The following DLG5 variants were observed in gnomAD, a reference collection of about 807,000 sequenced individuals.
The protein encoded by DLG5 is disks large homolog 5.
DLG5 carries 48 observed loss-of-function variants against 189.8 expected under a neutral mutation model. That is an observed-to-expected ratio of 0.25 (90% CI 0.20 to 0.32). The LOEUF is 0.32. Among genes scored for constraint, DLG5 ranks in the 10% least tolerant of loss-of-function variants. DLG5 has a pLI of 1.00. For missense variants in DLG5, 2,160 were observed against 2,544.7 expected, an observed-to-expected ratio of 0.85 and a Z score of 3.25; for synonymous variants, 1,016 against 1,054.1, an observed-to-expected ratio of 0.96 and a Z score of 0.70.
Position 77,854,358 on chromosome 10 carries a change from C to G in DLG5, c.549G>C (p.Arg183Ser). The G allele has an allele frequency of 1.2e-6, 2 of 1,614,032 alleles. No homozygotes were observed. The highest frequency in any genetic ancestry group is 1.7e-6 in the Non-Finnish European group (2 of 1,180,018). ...TCAGCCTCTCATAGTCAGGATTCAG[C>G]CTGTGGTAGGGCCTGGCCCAGAGAG... ...GTAFDKRPYH[R>S]LNPDYERLKI... The change falls in exon 4 of 32, where the codon AGG (arginine) becomes AGC (serine). Residue 183 changes from arginine (R) to serine (S), a missense_variant. Coordinates refer to ENST00000372391, the MANE Select transcript of DLG5 (RefSeq NM_004747.4).
Position 77,836,051 on chromosome 10 carries a change from G to A in DLG5, c.1438-129C>T, listed in dbSNP as rs555102230. On this transcript the variant is annotated intron_variant, in intron 7 of 31. Transcript: ENST00000372391. ...GATGGAGGGAAACACGGAGCCCATCGCAGCACACCCCATACCCCCAGTGAC... is the reference window on the plus strand; with the variant it reads ...GATGGAGGGAAACACGGAGCCCATCACAGCACACCCCATACCCCCAGTGAC... 9.1e-5 allele frequency: 85 copies of A among 937,688 alleles called. No homozygotes were observed. In the Admixed American group the frequency reaches 2.0e-3, roughly 22 times the overall value. The allele number at this position is 937,688 out of a possible 1,614,324, so 58.1% of individuals were successfully genotyped here. A position where few individuals can be genotyped will look rare whatever the true frequency, so the allele number is the denominator to read the frequency against.
chr10:77,906,617 CTTTTTTTTT>C (rs35116526), intron 1 of DLG5, among the ~76,000 whole-genome samples: 1 of 102,180 alleles, frequency 9.8e-6, no homozygotes, highest in Non-Finnish European at 1.9e-5. Context: ...CTGCGCTCCA[CTTTTTTTTT>C]TTTTTTTTTT....
chr10:77,824,279 C>G (rs748156238), intron 14 of DLG5, 105 bp downstream of exon 14: 40 of 835,756 alleles, frequency 4.8e-5, no homozygotes, highest in Non-Finnish European at 7.2e-5. Context: ...AAATGCCCAC[C>G]CTGTTCTCAA....
At chr10:77,825,374 CCACA>C (rs59102694) in intron 13 of DLG5, among the ~76,000 whole-genome samples, 11,540 of 130,738 alleles carry the variant, frequency 0.088, 611 homozygotes, top group East Asian at 0.26. Context: ...CCACACACAA[CCACA>C]CACACACACA....
chr10:77,824,240 T>C, intron 14 of DLG5, 144 bp downstream of exon 14: 1 of 609,048 alleles, frequency 1.6e-6, no homozygotes, highest in Admixed American at 3.0e-5. Context: ...CAGCGTCCAG[T>C]CAGGGTTCCT....
chr10:77,821,962 G>T lies in DLG5; in HGVS notation c.2522C>A (p.Ser841Tyr). ...NKRNLIQHNNSTQTDIFYTDR... is the reference protein window; with the variant it reads ...NKRNLIQHNNYTQTDIFYTDR... Reference sequence around the variant, plus strand: ...CGTGTAGAAGATGTCTGTCTGCGTGGAGTTATTGTGCTGTATCAAGTTCCG... The same window carrying T: ...CGTGTAGAAGATGTCTGTCTGCGTGTAGTTATTGTGCTGTATCAAGTTCCG... Residue 841 changes from serine (S) to tyrosine (Y), a missense_variant, in exon 15 of 32, where the codon TCC (serine) becomes TAC (tyrosine). Transcript: ENST00000372391. The T allele has an allele frequency of 1.9e-6, 3 of 1,614,244 alleles. No individual in the cohort carries two copies. Among genetic ancestry groups the T allele is most frequent in the Non-Finnish European group, 2.5e-6 (3 of 1,180,054 alleles).
intron 5 of DLG5, among the ~76,000 whole-genome samples, chr10:77,851,489 C>T (rs913591194): frequency 1.3e-5 from 2 of 152,188 alleles, no homozygotes; most frequent in Non-Finnish European, 2.9e-5. Context: ...TGCCATGCAG[C>T]AGGTGCGAGA....
the DLG5 span, among the ~76,000 whole-genome samples, chr10:77,936,441 CAAAACAAAAAAAAAA>C: frequency 2.5e-4 from 22 of 87,874 alleles, no homozygotes; most frequent in African/African-American, 9.4e-4. Flanking sequence ...CGTCTCAAAA[CAAAACAAAAAAAAAA>C]AAAAAAAAAA....
At chr10:77,869,099 C>T (rs890271990) in intron 2 of DLG5, 30 bp downstream of exon 2, 1 of 1,606,762 alleles carries the variant, frequency 6.2e-7, no homozygotes, top group Non-Finnish European at 8.5e-7. Context: ...CCTGGCCCAC[C>T]CGGTGTCCTC....
intron 26 of DLG5, chr10:77,806,193 G>A: frequency 6.1e-6 from 2 of 327,070 alleles, no homozygotes; most frequent in Non-Finnish European, 1.1e-5. Context: ...GGGAAATGAT[G>A]CAGGGATGCA....
At chr10:77,880,325 A>G (rs974168369) in intron 1 of DLG5, among the ~76,000 whole-genome samples, 5 of 152,152 alleles carry the variant, frequency 3.3e-5, no homozygotes, top group Admixed American at 6.5e-5. Flanking sequence ...ATGGTGGCGC[A>G]TGCCTGTAAT....
At chr10:77,875,078 AAGAAACTAAGAGTT>A (rs1175762862) in intron 1 of DLG5, among the ~76,000 whole-genome samples, 9 of 152,238 alleles carry the variant, frequency 5.9e-5, no homozygotes, top group African/African-American at 1.9e-4. Flanking sequence ...TTCACAGAGG[AAGAAACTAAGAGTT>A]AGAAAAATTA....
At chr10:77,872,518 G>A (rs1844940060) in intron 1 of DLG5, among the ~76,000 whole-genome samples, 1 of 152,196 alleles carries the variant, frequency 6.6e-6, no homozygotes, top group South Asian at 2.1e-4. Context: ...GGGCTCCTAG[G>A]AGCTGGTGGG....
intron 1 of DLG5, among the ~76,000 whole-genome samples, chr10:77,920,550 A>T (rs1021132818): frequency 1.3e-5 from 2 of 152,204 alleles, no homozygotes; most frequent in Non-Finnish European, 2.9e-5. Flanking sequence ...TGCCAATCAC[A>T]GTAGCCCATC....
intron 5 of DLG5, among the ~76,000 whole-genome samples, chr10:77,844,420 T>G (rs993815226): frequency 6.6e-6 from 1 of 152,232 alleles, no homozygotes; most frequent in Non-Finnish European, 1.5e-5. Flanking sequence ...ATGTCAGCCA[T>G]TGAGTATAAT....
chr10:77,818,912 A>T (rs1017294763), intron 17 of DLG5, among the ~76,000 whole-genome samples: 2 of 152,228 alleles, frequency 1.3e-5, no homozygotes, highest in Non-Finnish European at 2.9e-5. Flanking sequence ...GTGCTCAAAA[A>T]ATATCTGTCA....
chr10:77,793,547 T>C (rs1382899731), intron 31 of DLG5: 1 of 140,148 alleles, frequency 7.1e-6, no homozygotes, highest in African/African-American at 2.9e-5. Flanking sequence ...TTTTTTGTTT[T>C]GTTTTTTGTT....
Position 77,828,963 on chromosome 10 carries a change from A to G in DLG5, c.2208T>C (p.Asn736=). 2 of 1,614,072 alleles carry G rather than the reference A, an allele frequency of 1.2e-6. No individual in the cohort carries two copies. Among genetic ancestry groups the G allele is most frequent in the African/African-American group, 2.7e-5 (2 of 75,038 alleles). ...GCAGCACAGCGGCAGCATACACTCC[A>G]TTCTCCAGACTGATGCCACTGTCTG... ...GQKDSGISLE[N]GVYAAAVLPG... is the part of the protein sequence containing the mutation. Residue 736 remains asparagine (N), a synonymous_variant, in exon 13 of 32, where the codon AAT becomes AAC. Coordinates refer to ENST00000372391, the MANE Select transcript of DLG5 (RefSeq NM_004747.4).
rs928175382 is a variant in DLG5, at chr10:77,796,667, G to A, written c.5165-73C>T. 32 of 1,578,700 alleles carry A rather than the reference G, an allele frequency of 2.0e-5. No homozygotes were observed. Among genetic ancestry groups the A allele is most frequent in the African/African-American group, 1.6e-4 (12 of 74,000 alleles). ...GACCTGAGTGGGGCTGGGGAACCCC[G>A]CTCCCTGACCTCGCCCACTCTGGTT... On this transcript the variant is annotated intron_variant, in intron 27 of 31. Coordinates refer to ENST00000372391, the MANE Select transcript of DLG5 (RefSeq NM_004747.4). The surrounding 1 kb of genome is among the most constrained non-coding windows in gnomAD (Gnocchi z 5.2).
Sources: gnomAD v4.1 joint callset for allele counts (sites outside exome capture counted in the v4.1 genomes callset) on GRCh38, gnomAD v4.1.1 for gene constraint, Gnocchi (gnomAD v3.1) non-coding constraint, MANE v1.5 for transcripts, NCBI Gene and HGNC (gene_info 2026-07-23, HGNC 2026-07-21) for gene names.